ZNF569: variants seen among roughly 807,000 people sequenced by gnomAD.
The protein encoded by ZNF569 is zinc finger protein 569, also known as DNA-binding protein.
A neutral mutation model predicts 56.3 loss-of-function variants in ZNF569; 38 were observed. That is an observed-to-expected ratio of 0.68 (90% CI 0.52 to 0.88). The LOEUF (loss-of-function observed/expected upper bound fraction) is 0.88. Ranked by LOEUF, ZNF569 falls within the 40% of genes least tolerant of loss-of-function variation. The pLI is 0.00. For missense variants in ZNF569, 666 were observed against 809.2 expected, an observed-to-expected ratio of 0.82 and a Z score of 2.15; for synonymous variants, 241 against 262.9, an observed-to-expected ratio of 0.92 and a Z score of 0.81.
rs763651392 is a variant in ZNF569 at position 37,414,010 on chromosome 19, A to G, written c.648T>C (p.Cys216=). ...GACTGAAGGCTTTTCTACAGTTACTACATTCATAGGGCTTCTCTCCAGTAT... is the reference window on the plus strand; with the variant it reads ...GACTGAAGGCTTTTCTACAGTTACTGCATTCATAGGGCTTCTCTCCAGTAT... ...RIHTGEKPYE[C]SNCRKAFSHK... The change falls in exon 6 of 6, where the codon TGT becomes TGC. Residue 216 remains cysteine, a synonymous_variant. Transcript: ENST00000316950. 4 of 1,613,512 alleles carry G rather than the reference A, an allele frequency of 2.5e-6. No individual in the cohort carries two copies. The East Asian group carries it at 6.7e-5, about 27-fold the overall frequency.
intron 5 of ZNF569, among the ~76,000 whole-genome samples, chr19:37,419,132 G>GT (rs1275589923): frequency 6.6e-6 from 1 of 151,972 alleles, no homozygotes; most frequent in African/African-American, 2.4e-5. Context: ...TAATAGGGCT[G>GT]TTTTTTTCTT....
In ZNF569 at chr19:37,412,385, A is replaced by T; in HGVS notation, c.*212T>A. The T allele has an allele frequency of 1.3e-6, 1 of 745,976 alleles. No homozygotes were observed. The highest frequency in any genetic ancestry group is 1.9e-6 in the Non-Finnish European group (1 of 527,010). The allele number at this position is 745,976 out of a possible 1,614,324, so 46.2% of individuals were successfully genotyped here. On this transcript the variant is annotated 3_prime_UTR_variant, in exon 6 of 6. Coordinates refer to ENST00000316950, the MANE Select transcript of ZNF569 (RefSeq NM_152484.3). The stretch of plus-strand genomic sequence containing the variant: ...ATGAGAATGCTGATTAAATATTATC[A>T]ATAAGATGTCTGCTGAAAGTTTCTG...
At chr19:37,446,796 A>G (rs1390595957) in intron 2 of ZNF569, among the ~76,000 whole-genome samples, 1 of 152,210 alleles carries the variant, frequency 6.6e-6, no homozygotes, top group Non-Finnish European at 1.5e-5. Context: ...GCTTCTGCAC[A>G]GCAAAATAAT....
intron 3 of ZNF569, among the ~76,000 whole-genome samples, chr19:37,439,715 AC>A (rs2041372652): frequency 6.6e-6 from 1 of 152,254 alleles, no homozygotes; most frequent in African/African-American, 2.4e-5. Context: ...ACCTTGGAGT[AC>A]TATTCAGCCA....
At chr19:37,424,457 A>C (rs980114830) in intron 5 of ZNF569, among the ~76,000 whole-genome samples, 4 of 152,166 alleles carry the variant, frequency 2.6e-5, no homozygotes, top group Non-Finnish European at 5.9e-5. Flanking sequence ...TAAGAATGGT[A>C]TCTAGAAATG....
intron 2 of ZNF569, among the ~76,000 whole-genome samples, chr19:37,457,834 T>TA (rs978295665): frequency 2.8e-4 from 43 of 151,976 alleles, no homozygotes; most frequent in Admixed American, 2.6e-4. Flanking sequence ...CTTAAAGTAT[T>TA]AAAAAAAAGA....
At chr19:37,432,870 A>C (rs1722261441) in intron 3 of ZNF569, among the ~76,000 whole-genome samples, 2 of 152,150 alleles carry the variant, frequency 1.3e-5, no homozygotes, top group Non-Finnish European at 2.9e-5. Context: ...CTGGAGCTGA[A>C]AAATGCAACG....
rs60568702 is a variant in ZNF569 at position 37,419,969 on chromosome 19, CTTTTTTTTTTT to C, written c.239-5561_239-5551del. Reference sequence around the variant, plus strand: ...TAGCAATTTCTTTTTTCTTTTCTTTCTTTTTTTTTTTTTTTTTTTTTGAGACAGAGTCTCCC... The same window carrying C: ...TAGCAATTTCTTTTTTCTTTTCTTTCTTTTTTTTTTGAGACAGAGTCTCCC... On this transcript the variant is annotated intron_variant, in intron 5 of 5. Coordinates refer to ENST00000316950, the MANE Select transcript of ZNF569 (RefSeq NM_152484.3). Among the ~76,000 whole-genome samples, 4 of 100,620 alleles carry C rather than the reference CTTTTTTTTTTT, an allele frequency of 4.0e-5. No individual in the cohort carries two copies. The East Asian group carries it at 9.1e-4, about 23-fold the overall frequency. The allele number at this position is 100,620 out of a possible 152,430, so 66.0% of individuals were successfully genotyped here.
rs778634771 is a variant in ZNF569 at position 37,413,261 on chromosome 19, T to C, written c.1397A>G (p.Tyr466Cys). 3 of 1,611,584 alleles carry C rather than the reference T, an allele frequency of 1.9e-6. No individual in the cohort carries two copies. The highest frequency in any genetic ancestry group is 1.7e-5 in the Admixed American group (1 of 59,424). Reference protein sequence around the residue: ...HQRIHTGEKPYICKECGKAFS... With the variant: ...HQRIHTGEKPCICKECGKAFS... ...GGCTTTCCCACATTCCTTACATATA[T>C]AGGGTTTTTCCCCAGTATGAATTCT... Residue 466 changes from tyrosine (Y) to cysteine (C), a missense_variant, in exon 6 of 6, where the codon TAT becomes TGT. Transcript: ENST00000316950.
chr19:37,432,088 G>T (rs2041234774), intron 3 of ZNF569, among the ~76,000 whole-genome samples: 1 of 152,172 alleles, frequency 6.6e-6, no homozygotes, highest in African/African-American at 2.4e-5. Context: ...ACCTGCCCGT[G>T]GCTGGGGGGA....
At chr19:37,445,029 G>C in intron 2 of ZNF569, 65 bp from the exon 3 acceptor site, 1 of 1,319,678 alleles carries the variant, frequency 7.6e-7, no homozygotes, top group African/African-American at 1.5e-5. Flanking sequence ...TGCACACACA[G>C]GGTGGATTAA....
chr19:37,463,252 T>C (rs1174794362), intron 2 of ZNF569, among the ~76,000 whole-genome samples: 1 of 145,286 alleles, frequency 6.9e-6, no homozygotes, highest in East Asian at 1.9e-4. Context: ...TGCGTAACAA[T>C]GTTTCAGCCA....
At chr19:37,419,119 G>T (rs6508721) in intron 5 of ZNF569, among the ~76,000 whole-genome samples, 97,463 of 152,014 alleles carry the variant, frequency 0.64, 32,885 homozygotes, top group African/African-American at 0.86. Context: ...GTTCATGTCC[G>T]TTTAATAGGG....
rs185916224 is a variant in ZNF569 at position 37,425,989 on chromosome 19, T to C, written c.143-26A>G. ...CTGTCAAAGGGAAGTTACATAGATT[T>C]GGGCATACATACTAGGAACAAAGAA... is the stretch of plus-strand genomic sequence containing the variant. On this transcript the variant is annotated intron_variant, in intron 4 of 5. Coordinates refer to ENST00000316950, the MANE Select transcript of ZNF569 (RefSeq NM_152484.3). The C allele has an allele frequency of 1.5e-3, 2,429 of 1,609,712 alleles. 6 individuals carry two copies. The highest frequency in any genetic ancestry group is 1.7e-3 in the Non-Finnish European group (2,049 of 1,176,276).
At chr19:37,433,568 A>C (rs1247820168) in intron 3 of ZNF569, among the ~76,000 whole-genome samples, 1 of 152,202 alleles carries the variant, frequency 6.6e-6, no homozygotes, top group African/African-American at 2.4e-5. Context: ...CAAACTCCTA[A>C]AGGTCAATGA....
upstream of ZNF569, chr19:37,468,077 T>TG (rs2041879720): frequency 1.1e-5 from 8 of 734,750 alleles, no homozygotes; most frequent in South Asian, 3.6e-5. Flanking sequence ...TCGTGTTTTT[T>TG]TTTTTTTGTT....
chr19:37,452,786 G>A (rs562581399), intron 2 of ZNF569, among the ~76,000 whole-genome samples: 2 of 152,196 alleles, frequency 1.3e-5, no homozygotes, highest in East Asian at 1.9e-4. Flanking sequence ...ATGCATCTTG[G>A]TATGGGTTTG....
chr19:37,454,333 G>A (rs914237652), intron 2 of ZNF569, among the ~76,000 whole-genome samples: 1 of 151,802 alleles, frequency 6.6e-6, no homozygotes. Context: ...TCTTGGTGGG[G>A]GTTGAGTAGA....
At chr19:37,430,194 CAAA>C (rs57159479) in intron 3 of ZNF569, among the ~76,000 whole-genome samples, 13 of 133,194 alleles carry the variant, frequency 9.8e-5, no homozygotes, top group Admixed American at 1.5e-4. Flanking sequence ...GACCCTATCT[CAAA>C]AAAAAAAAAA....
Sources: allele counts gnomAD v4.1 joint callset (sites outside exome capture counted in the v4.1 genomes callset), GRCh38; gene constraint gnomAD v4.1.1; transcripts MANE v1.5; gene names NCBI Gene and HGNC (gene_info 2026-07-23, HGNC 2026-07-21).